Variants in NBEAL1 observed in about 807,000 individuals in gnomAD.
NBEAL1 encodes neurobeachin like 1, also known as neurobeachin-like protein 1.
NBEAL1 carries 273 observed loss-of-function variants against 351.3 expected under a neutral mutation model. The ratio of observed to expected loss-of-function variants is 0.78; its 90% CI spans 0.70 to 0.86. The LOEUF is 0.86. NBEAL1 is among the 40% of genes least tolerant of loss of function. The pLI is 0.00. For missense variants in NBEAL1, 2,961 were observed against 3,201.3 expected (o/e 0.92, Z 1.81); for synonymous variants, 1,050 against 1,086.4 (o/e 0.97, Z 0.66).
chr2:203,139,557 CTTTTTTTTTT>C (rs370861737), intron 31 of NBEAL1, among the ~76,000 whole-genome samples: 4 of 67,666 alleles, frequency 5.9e-5, no homozygotes, highest in Admixed American at 1.9e-4. Context: ...CCACCCCCAC[CTTTTTTTTTT>C]TTTTTTTTTT....
chr2:203,210,862 G>A, intron 53 of NBEAL1, 96 bp from the exon 54 acceptor site: 1 of 607,810 alleles, frequency 1.6e-6, no homozygotes. Context: ...AAAATGTTAA[G>A]CCAAATAATT....
intron 18 of NBEAL1, among the ~76,000 whole-genome samples, chr2:203,119,788 G>A (rs1040268887): frequency 2.6e-5 from 4 of 152,022 alleles, no homozygotes; most frequent in African/African-American, 7.2e-5. Context: ...CTGCTATAAA[G>A]GAACCAGTTT....
chr2:203,106,694 T>G (rs1340003185), intron 12 of NBEAL1, among the ~76,000 whole-genome samples: 1 of 152,194 alleles, frequency 6.6e-6, no homozygotes, highest in African/African-American at 2.4e-5. Context: ...TGACCCACAT[T>G]CAACCATTTC....
intron 18 of NBEAL1, among the ~76,000 whole-genome samples, chr2:203,119,935 G>A (rs2062792292): frequency 6.6e-6 from 1 of 151,922 alleles, no homozygotes; most frequent in Non-Finnish European, 1.5e-5. Context: ...AGTTTTTTTT[G>A]TACTCAATTG....
chr2:203,132,032 A>T lies in NBEAL1; in HGVS notation c.3624A>T (p.Arg1208=). 1 of 1,554,804 alleles carries T rather than the reference A, an allele frequency of 6.4e-7. No homozygotes were observed. The highest frequency in any genetic ancestry group is 8.7e-7 in the Non-Finnish European group (1 of 1,147,784). The change falls in exon 26 of 56, where the codon CGA becomes CGT. Residue 1208 remains arginine, a synonymous_variant. Coordinates refer to ENST00000683969, the MANE Select transcript of NBEAL1 (RefSeq NM_001378026.1). The stretch of plus-strand genomic sequence containing the variant: ...ATGAGCGTAGTAAACAACATATTCG[A>T]CTCAGAGAAGTTGGCTACTCGGGAC... ...NVYERSKQHI[R]LREVGYSGLG...
rs1222133140 is a variant in NBEAL1 at position 203,099,615 on chromosome 2, T to A, written c.1186-14T>A. ...ACATTTGTTAATTTCTTGTTTCCCC[T>A]TCCCCCTCAATAGGTGTTTCAGGGA... is the stretch of plus-strand genomic sequence containing the variant. On this transcript the variant is annotated splice_polypyrimidine_tract_variant and intron_variant, in intron 11 of 55. Transcript: ENST00000683969. 4.6e-6 allele frequency: 7 copies of A among 1,513,404 alleles called. No homozygotes were observed. The highest frequency in any genetic ancestry group is 6.2e-6 in the Non-Finnish European group (7 of 1,124,206). The allele number at this position is 1,513,404 out of a possible 1,614,324, so 93.7% of individuals were successfully genotyped here.
chr2:203,161,052 G>A (rs1301141663), intron 36 of NBEAL1, among the ~76,000 whole-genome samples: 1 of 152,204 alleles, frequency 6.6e-6, no homozygotes, highest in Non-Finnish European at 1.5e-5. Context: ...GGGAGGCTGG[G>A]CACGGTGGCT....
In NBEAL1 at chr2:203,025,583, T is replaced by C. The variant is rs909879405; in HGVS notation, c.51+9148T>C. ...TCTTCTTTCTAGGCACAATTATTCA[T>C]ATTTCTCCTATATGCAAAATGTACT... is the stretch of plus-strand genomic sequence containing the variant. On this transcript the variant is annotated intron_variant, in intron 2 of 55. Transcript: ENST00000683969. Among the ~76,000 whole-genome samples, 74 of 152,232 alleles carry C rather than the reference T, an allele frequency of 4.9e-4. 1 individual carries two copies. Among genetic ancestry groups the C allele is most frequent in the Non-Finnish European group, 7.3e-5 (5 of 68,042 alleles).
At chr2:203,115,885 T>C in intron 17 of NBEAL1, 100 bp from the exon 18 acceptor site, 1 of 698,834 alleles carries the variant, frequency 1.4e-6, no homozygotes. Flanking sequence ...GTTGTTTGAG[T>C]AGCTTGAAAC....
chr2:203,070,075 T>A (rs894889403), intron 7 of NBEAL1, among the ~76,000 whole-genome samples: 1 of 152,218 alleles, frequency 6.6e-6, no homozygotes, highest in African/African-American at 2.4e-5. Context: ...AAAAATTCAG[T>A]CTTTCACTAT....
At chr2:203,023,608 T>G (rs999087895) in intron 2 of NBEAL1, among the ~76,000 whole-genome samples, 1 of 151,648 alleles carries the variant, frequency 6.6e-6, no homozygotes, top group Admixed American at 6.6e-5. Flanking sequence ...CTTGTGTGTT[T>G]TTTTTTTTTC....
chr2:203,130,691 C>T (rs185250123), intron 25 of NBEAL1, among the ~76,000 whole-genome samples: 1 of 152,268 alleles, frequency 6.6e-6, no homozygotes, highest in Admixed American at 6.5e-5. Flanking sequence ...GGAATATTCA[C>T]TTTGTCATAC....
intron 31 of NBEAL1, among the ~76,000 whole-genome samples, chr2:203,142,244 C>T (rs963259130): frequency 6.6e-6 from 1 of 152,188 alleles, no homozygotes; most frequent in African/African-American, 2.4e-5. Flanking sequence ...CAACCTCCGC[C>T]TCCTGGGTTC....
chr2:203,079,935 G>C (rs982597120), intron 8 of NBEAL1, among the ~76,000 whole-genome samples: 3 of 152,070 alleles, frequency 2.0e-5, no homozygotes, highest in African/African-American at 7.2e-5. Flanking sequence ...ACTGCTACTT[G>C]TTTGATAATG....
chr2:203,078,620 G>A (rs935210396), intron 8 of NBEAL1, among the ~76,000 whole-genome samples: 9 of 152,154 alleles, frequency 5.9e-5, no homozygotes, highest in Non-Finnish European at 1.0e-4. Flanking sequence ...AATTACGGGC[G>A]TGAGTCCCCC....
chr2:203,194,549 C>T (rs965208000), intron 47 of NBEAL1, among the ~76,000 whole-genome samples: 1 of 152,152 alleles, frequency 6.6e-6, no homozygotes, highest in Admixed American at 6.5e-5. Context: ...GGTTGGTAAA[C>T]TCTTTCTTGT....
intron 35 of NBEAL1, among the ~76,000 whole-genome samples, chr2:203,153,796 A>G (rs1464455912): frequency 1.3e-5 from 2 of 152,160 alleles, no homozygotes; most frequent in African/African-American, 2.4e-5. Flanking sequence ...AGTGTTCCAT[A>G]TTATTTTCTC....
intron 29 of NBEAL1, 111 bp from the exon 30 acceptor site, chr2:203,138,051 T>C (rs944934720): frequency 1.1e-6 from 1 of 940,022 alleles, no homozygotes; most frequent in Non-Finnish European, 1.6e-6. Context: ...CTAGAGATAG[T>C]ATATCTTTAG....
intron 42 of NBEAL1, among the ~76,000 whole-genome samples, chr2:203,178,013 C>A (rs1477729522): frequency 5.7e-5 from 7 of 122,410 alleles, no homozygotes; most frequent in African/African-American, 2.0e-4. Context: ...AGCAATACTC[C>A]ATCTCAAAAA....
Sources: gnomAD v4.1 joint callset for allele counts (sites outside exome capture counted in the v4.1 genomes callset) on GRCh38, gnomAD v4.1.1 for gene constraint, MANE v1.5 for transcripts, NCBI Gene and HGNC (gene_info 2026-07-23, HGNC 2026-07-21) for gene names.